HSD17B11: variants seen among roughly 807,000 people sequenced by gnomAD.
HSD17B11 encodes the protein hydroxysteroid 17-beta dehydrogenase 11.
Under a neutral mutation model 27.8 loss-of-function variants are expected in HSD17B11, and 22 were observed. The ratio of observed to expected loss-of-function variants is 0.79; its 90% confidence interval spans 0.56 to 1.13. The LOEUF is 1.13. Ranked by LOEUF, HSD17B11 falls within the 50% of genes most tolerant of loss-of-function variation. The probability of loss-of-function intolerance (pLI) is 0.00; values close to 1 mark genes in which losing one functional copy is unlikely to be tolerated. For missense variants in HSD17B11, 314 were observed against 351.1 expected (o/e 0.89, Z 0.84); for synonymous variants, 117 against 132.8 (o/e 0.88, Z 0.82).
chr4:87,389,045 G>A (rs992438772), intron 1 of HSD17B11, among the ~76,000 whole-genome samples: 1 of 152,014 alleles, frequency 6.6e-6, no homozygotes, highest in Non-Finnish European at 1.5e-5. Flanking sequence ...TATCCATTTT[G>A]CAGAAAAGGA....
intron 5 of HSD17B11, among the ~76,000 whole-genome samples, chr4:87,343,828 G>A (rs1012892745): frequency 1.3e-5 from 2 of 152,070 alleles, no homozygotes; most frequent in Admixed American, 6.6e-5. Context: ...GATTACAGGC[G>A]TGAGCCACTG....
At chr4:87,340,140 A>C (rs1735138706) in intron 6 of HSD17B11, among the ~76,000 whole-genome samples, 1 of 152,220 alleles carries the variant, frequency 6.6e-6, no homozygotes, top group Non-Finnish European at 1.5e-5. Context: ...ATCTTTAAAT[A>C]AATACCTAAA....
chr4:87,378,944 ATATTTATATATATATATTT>A lies in HSD17B11; in HGVS notation c.318+3292_318+3310del, dbSNP rs1560769636. Among the ~76,000 whole-genome samples the A allele has an allele frequency of 1.6e-3, 31 of 19,392 alleles. 2 individuals carry two copies. The highest frequency in any genetic ancestry group is 6.8e-3 in the African/African-American group (25 of 3,686). 12.7% of individuals were successfully genotyped at this position (19,392 alleles called of 152,430 possible). ...AATATATATAAATATATATATATAT[ATATTTATATATATATATTT>A]TTTTTTTTTTTTGAGATGGTGTCTT... is the stretch of plus-strand genomic sequence containing the variant. On this transcript the variant is annotated intron_variant, in intron 2 of 6. Coordinates refer to ENST00000358290, the MANE Select transcript of HSD17B11 (RefSeq NM_016245.5).
intron 1 of HSD17B11, among the ~76,000 whole-genome samples, chr4:87,389,023 G>A (rs115773771): frequency 0.032 from 4,850 of 152,212 alleles, 109 homozygotes; most frequent in African/African-American, 0.063. Flanking sequence ...TTTGAGGTAT[G>A]TATTGTTATT....
At chr4:87,366,184 G>T (rs1010403096) in intron 4 of HSD17B11, 3 of 152,116 alleles carry the variant, frequency 2.0e-5, no homozygotes, top group South Asian at 2.1e-4. Context: ...AAAATTAATT[G>T]TAAGAGATTC....
At chr4:87,358,229 G>A (rs1735430405) in intron 4 of HSD17B11, among the ~76,000 whole-genome samples, 2 of 152,006 alleles carry the variant, frequency 1.3e-5, no homozygotes, top group Admixed American at 6.5e-5. Flanking sequence ...CCAAAGTGCT[G>A]GCATTACAGG....
intron 5 of HSD17B11, 65 bp from the exon 6 acceptor site, chr4:87,340,671 T>A: frequency 9.4e-7 from 1 of 1,063,496 alleles, no homozygotes; most frequent in Non-Finnish European, 1.4e-6. Context: ...AGTTTGGTGC[T>A]AACCAACAGC....
At chr4:87,389,068 G>A (rs1720388364) in intron 1 of HSD17B11, among the ~76,000 whole-genome samples, 1 of 152,126 alleles carries the variant, frequency 6.6e-6, no homozygotes, top group Non-Finnish European at 1.5e-5. Context: ...TAAAGCTGTG[G>A]AAACGTTGAG....
chr4:87,342,789 T>C (rs1182646631), intron 5 of HSD17B11, among the ~76,000 whole-genome samples: 4 of 151,870 alleles, frequency 2.6e-5, no homozygotes, highest in Non-Finnish European at 5.9e-5. Flanking sequence ...CTTGAAGCAA[T>C]AGTATTACAT....
intron 3 of HSD17B11, among the ~76,000 whole-genome samples, chr4:87,373,656 G>A (rs1735764150): frequency 6.6e-6 from 1 of 152,132 alleles, no homozygotes; most frequent in East Asian, 1.9e-4. Flanking sequence ...GCTGCAGTGA[G>A]CCAAAATCAC....
chr4:87,375,204 G>T (rs1432614915), intron 2 of HSD17B11, among the ~76,000 whole-genome samples: 1 of 152,056 alleles, frequency 6.6e-6, no homozygotes, highest in Non-Finnish European at 1.5e-5. Context: ...CGTCTTGTAC[G>T]CAATGACTCT....
At chr4:87,369,586 A>G (rs1313953957) in intron 4 of HSD17B11, among the ~76,000 whole-genome samples, 1 of 152,024 alleles carries the variant, frequency 6.6e-6, no homozygotes, top group Non-Finnish European at 1.5e-5. Flanking sequence ...AGCACGCACC[A>G]CCACACTTAG....
chr4:87,376,524 C>CAAAA (rs1735828747), intron 2 of HSD17B11, among the ~76,000 whole-genome samples: 1 of 111,324 alleles, frequency 9.0e-6, no homozygotes. Context: ...AAAAAAAAAC[C>CAAAA]CAAAAAACAA....
At chr4:87,340,458 T>C in intron 6 of HSD17B11, 32 bp downstream of exon 6, 2 of 1,372,594 alleles carry the variant, frequency 1.5e-6, no homozygotes, top group Non-Finnish European at 2.0e-6. Flanking sequence ...TATTTTACCT[T>C]TCATTTCTAA....
At chr4:87,362,517 C>A (rs1238076894) in intron 4 of HSD17B11, among the ~76,000 whole-genome samples, 2 of 152,098 alleles carry the variant, frequency 1.3e-5, no homozygotes, top group Non-Finnish European at 2.9e-5. Flanking sequence ...CAGAGCGAGA[C>A]TCCATCTCAA....
chr4:87,370,022 TA>T (rs1374970685), intron 4 of HSD17B11, among the ~76,000 whole-genome samples: 1 of 152,188 alleles, frequency 6.6e-6, no homozygotes, highest in African/African-American at 2.4e-5. Context: ...ACTGTTGAAC[TA>T]AAACTCTGAA....
chr4:87,378,514 T>C (rs1023572492), intron 2 of HSD17B11, among the ~76,000 whole-genome samples: 1 of 151,858 alleles, frequency 6.6e-6, no homozygotes, highest in Non-Finnish European at 1.5e-5. Flanking sequence ...TATTTTAAAA[T>C]GTACAATTAA....
In HSD17B11 at chr4:87,361,684, G is replaced by A. The variant is rs545834126; in HGVS notation, c.558-4268C>T. 3.2e-3 allele frequency among the ~76,000 whole-genome samples: 480 copies of A among 152,250 alleles called. 6 individuals are homozygous for A. Among genetic ancestry groups the A allele is most frequent in the African/African-American group, 0.011 (458 of 41,558 alleles). ...AGGGAGGCTGAGGCAGGAGAATGGC[G>A]TGAACCCGGGAGGCGGAGCTTGCAG... On this transcript the variant is annotated intron_variant, in intron 4 of 6. Transcript: ENST00000358290.
At position 87,359,805 on chromosome 4, in the gene HSD17B11, T is replaced by A. The variant is rs537143672; in HGVS notation, c.558-2389A>T. Among the ~76,000 whole-genome samples, 3 of 152,314 alleles carry A rather than the reference T, an allele frequency of 2.0e-5. No homozygotes were observed. The South Asian group carries it at 6.2e-4, about 32-fold the overall frequency. On this transcript the variant is annotated intron_variant, in intron 4 of 6. Transcript: ENST00000358290. ...ACAAAACAAAGTGGCAGAATCAGGT[T>A]TTACGTGTGGGTAGTAAACCAGGTT... is the stretch of plus-strand genomic sequence containing the variant.
Sources: allele counts gnomAD v4.1 joint callset (sites outside exome capture counted in the v4.1 genomes callset), GRCh38; gene constraint gnomAD v4.1.1; transcripts MANE v1.5; gene names NCBI Gene and HGNC (gene_info 2026-07-23, HGNC 2026-07-21).